The following AP3B1 variants were observed in gnomAD, a reference collection of about 807,000 sequenced individuals.
AP3B1 encodes AP-3 complex subunit beta-1.
In AP3B1, 61 loss-of-function variants were observed where a neutral mutation model predicts 132.5. That is an observed-to-expected ratio of 0.46 (90% confidence interval 0.37 to 0.57). The LOEUF is 0.57. Ranked by LOEUF, AP3B1 falls within the 20% of genes least tolerant of loss-of-function variation. The probability of loss-of-function intolerance (pLI) is 0.00; values close to 1 mark genes in which losing one functional copy is unlikely to be tolerated. For synonymous variants in AP3B1, 388 were observed against 438.3 expected (o/e 0.89, Z 1.43); for missense variants, 1,120 against 1,289.4 (o/e 0.87, Z 2.01).
chr5:78,124,130 T>C (rs865995446), intron 17 of AP3B1, among the ~76,000 whole-genome samples: 21 of 152,058 alleles, frequency 1.4e-4, no homozygotes, highest in Middle Eastern at 6.8e-3. Context: ...TTCTCACTCA[T>C]AGGTGGGAAA....
At chr5:78,218,126 A>G (rs1437264451) in intron 6 of AP3B1, among the ~76,000 whole-genome samples, 5 of 152,112 alleles carry the variant, frequency 3.3e-5, no homozygotes, top group Non-Finnish European at 5.9e-5. Context: ...ACAAAATAAA[A>G]CTGATCATTT....
intron 22 of AP3B1, chr5:78,087,362 T>C (rs1373647296): frequency 4.5e-6 from 1 of 221,466 alleles, no homozygotes; most frequent in African/African-American, 2.3e-5. Flanking sequence ...GGTTGATTCA[T>C]CTTCTTTTCT....
At chr5:78,162,065 T>C (rs1743409457) in intron 13 of AP3B1, among the ~76,000 whole-genome samples, 1 of 152,124 alleles carries the variant, frequency 6.6e-6, no homozygotes, top group South Asian at 2.1e-4. Flanking sequence ...AAGAAAATTA[T>C]GCTTTTCTTA....
chr5:78,096,991 C>A (rs1296893813), intron 21 of AP3B1, among the ~76,000 whole-genome samples: 3 of 140,676 alleles, frequency 2.1e-5, no homozygotes, highest in Non-Finnish European at 4.7e-5. Flanking sequence ...CCCGGCCAGC[C>A]GCCCTGTCCG....
chr5:78,275,005 C>T (rs1748715481), intron 1 of AP3B1, among the ~76,000 whole-genome samples: 1 of 152,058 alleles, frequency 6.6e-6, no homozygotes, highest in Non-Finnish European at 1.5e-5. Context: ...TTAAGTTTTA[C>T]CAGCCATACC....
intron 12 of AP3B1, among the ~76,000 whole-genome samples, chr5:78,165,285 C>T (rs1743566691): frequency 6.6e-6 from 1 of 152,096 alleles, no homozygotes; most frequent in African/African-American, 2.4e-5. Flanking sequence ...AAACCGTTTT[C>T]ATGACCACAG....
rs951588947 is a variant in AP3B1, at chr5:78,239,591, T to A, written c.279+1271A>T. ...GAGTTCAAGACCAGCCTGGGCCACA[T>A]GGCGAAACCCTGTCTCTACAAAAAA... On this transcript the variant is annotated intron_variant, in intron 3 of 26. Transcript: ENST00000255194. Among the ~76,000 whole-genome samples, 10 of 149,516 alleles carry A rather than the reference T, an allele frequency of 6.7e-5. 1 individual carries two copies. In the East Asian group the frequency reaches 2.0e-3, roughly 30 times the overall value.
At position 78,236,652 on chromosome 5, in the gene AP3B1, G is replaced by A. The variant is rs117587147; in HGVS notation, c.279+4210C>T. Among the ~76,000 whole-genome samples the A allele has an allele frequency of 4.2e-4, 64 of 152,228 alleles. No individual in the cohort carries two copies. In the East Asian group the frequency reaches 0.01, roughly 24 times the overall value. ...ACAGGGTTATTTGTGAGGATAAAAC[G>A]GAGTAGATCTATGCAAGGCACTAAT... On this transcript the variant is annotated intron_variant, in intron 3 of 26. Coordinates refer to ENST00000255194, the MANE Select transcript of AP3B1 (RefSeq NM_003664.5).
At chr5:78,132,409 T>C (rs951919808) in intron 15 of AP3B1, among the ~76,000 whole-genome samples, 3 of 152,162 alleles carry the variant, frequency 2.0e-5, no homozygotes, top group African/African-American at 7.2e-5. Context: ...CAAACAAATA[T>C]ACAAATACAT....
intron 7 of AP3B1, among the ~76,000 whole-genome samples, chr5:78,193,232 TTAGAGA>T (rs1438342337): frequency 6.6e-6 from 1 of 152,206 alleles, no homozygotes; most frequent in African/African-American, 2.4e-5. Flanking sequence ...TTGTGGTCTG[TTAGAGA>T]TAATAGCCTA....
At chr5:78,294,363 C>G in intron 1 of AP3B1, 89 bp downstream of exon 1, 1 of 1,597,714 alleles carries the variant, frequency 6.3e-7, no homozygotes, top group Non-Finnish European at 8.5e-7. Context: ...GGCGACCCCG[C>G]TCCTCTCCAG....
At chr5:78,187,408 T>TTA (rs1744646380) in intron 7 of AP3B1, among the ~76,000 whole-genome samples, 1 of 152,210 alleles carries the variant, frequency 6.6e-6, no homozygotes, top group African/African-American at 2.4e-5. Flanking sequence ...AAACTGCTTT[T>TTA]TATAACCATC....
At chr5:78,096,700 G>A (rs1220069913) in intron 21 of AP3B1, among the ~76,000 whole-genome samples, 2 of 150,904 alleles carry the variant, frequency 1.3e-5, no homozygotes, top group Admixed American at 6.6e-5. Context: ...CTGCCCAGCC[G>A]CCCCATCTGA....
chr5:78,241,964 A>G (rs1254820782), intron 2 of AP3B1, among the ~76,000 whole-genome samples: 1 of 152,198 alleles, frequency 6.6e-6, no homozygotes, highest in Admixed American at 6.5e-5. Context: ...CTCAGAACAC[A>G]TGTTAATCCC....
At chr5:78,211,162 T>C (rs1377292959) in intron 7 of AP3B1, among the ~76,000 whole-genome samples, 2 of 152,206 alleles carry the variant, frequency 1.3e-5, no homozygotes, top group South Asian at 2.1e-4. Flanking sequence ...TTATTTTCTA[T>C]AGTCAAGCAC....
chr5:78,134,644 G>C (rs1752833051), intron 15 of AP3B1, among the ~76,000 whole-genome samples: 1 of 152,150 alleles, frequency 6.6e-6, no homozygotes, highest in African/African-American at 2.4e-5. Context: ...AGGTTCAAGT[G>C]ATTCTCCTGC....
intron 1 of AP3B1, among the ~76,000 whole-genome samples, chr5:78,275,453 A>G (rs1408292204): frequency 6.6e-6 from 1 of 152,202 alleles, no homozygotes; most frequent in African/African-American, 2.4e-5. Flanking sequence ...CTCATGGAAG[A>G]AAAACACACA....
intron 1 of AP3B1, among the ~76,000 whole-genome samples, chr5:78,279,555 A>G (rs13172957): frequency 0.23 from 34,199 of 151,810 alleles, 4,528 homozygotes; most frequent in Middle Eastern, 0.31. Flanking sequence ...GAAATTCAAC[A>G]TTCTTCCTAT....
At chr5:78,216,769 C>G (rs544454246) in intron 6 of AP3B1, among the ~76,000 whole-genome samples, 3 of 152,026 alleles carry the variant, frequency 2.0e-5, no homozygotes, top group African/African-American at 7.2e-5. Flanking sequence ...CGGTTTTTAC[C>G]CAATATAATT....
Sources: allele counts gnomAD v4.1 joint callset (sites outside exome capture counted in the v4.1 genomes callset), GRCh38; gene constraint gnomAD v4.1.1; transcripts MANE v1.5; gene names NCBI Gene and HGNC (gene_info 2026-07-23, HGNC 2026-07-21).